Variants in BLTP3A observed in about 807,000 individuals in gnomAD.
BLTP3A encodes bridge-like lipid transfer protein family member 3A.
At chr6:34,844,497 ACTC>A in the BLTP3A span, among the ~76,000 whole-genome samples, 1 of 151,274 alleles carries the variant, frequency 6.6e-6, no homozygotes, top group Non-Finnish European at 1.5e-5. Flanking sequence ...CTGGTCTTGA[ACTC>A]CTGGTTTCAA....
the BLTP3A span, among the ~76,000 whole-genome samples, chr6:34,812,659 A>AG: frequency 6.6e-6 from 1 of 151,304 alleles, no homozygotes; most frequent in Non-Finnish European, 1.5e-5. Flanking sequence ...TCATAGAGAC[A>AG]GGGTCTCGCT....
chr6:34,799,827 A>G, the BLTP3A span, among the ~76,000 whole-genome samples: 1 of 152,228 alleles, frequency 6.6e-6, no homozygotes, highest in Admixed American at 6.5e-5. Context: ...AGTATTCCAT[A>G]AACAATAACC....
chr6:34,836,952 T>C, the BLTP3A span, among the ~76,000 whole-genome samples: 1 of 152,248 alleles, frequency 6.6e-6, no homozygotes, highest in African/African-American at 2.4e-5. Flanking sequence ...AATTTTCTGC[T>C]TAACCTGTTT....
chr6:34,844,124 G>T, the BLTP3A span, among the ~76,000 whole-genome samples: 1 of 152,008 alleles, frequency 6.6e-6, no homozygotes, highest in African/African-American at 2.4e-5. Context: ...GGGACTACAG[G>T]CGCCTGCCAC....
chr6:34,835,229 A>G, the BLTP3A span: 5 of 1,545,782 alleles, frequency 3.2e-6, no homozygotes, highest in South Asian at 1.2e-5. Context: ...TGATTGGGCA[A>G]CAGTCACTTT....
the BLTP3A span, among the ~76,000 whole-genome samples, chr6:34,799,654 C>G: frequency 6.6e-6 from 1 of 152,160 alleles, no homozygotes; most frequent in African/African-American, 2.4e-5. Flanking sequence ...GCTTTGGATT[C>G]CAAAAAGTGG....
chr6:34,836,697 A>G, the BLTP3A span, among the ~76,000 whole-genome samples: 1 of 152,192 alleles, frequency 6.6e-6, no homozygotes, highest in Non-Finnish European at 1.5e-5. Context: ...GATGCTTATC[A>G]GAGGTTGAAA....
the BLTP3A span, among the ~76,000 whole-genome samples, chr6:34,798,048 C>G: frequency 6.6e-6 from 1 of 152,206 alleles, no homozygotes; most frequent in Non-Finnish European, 1.5e-5. Flanking sequence ...AAGCTTCCCA[C>G]CCTGCCCTGT....
At chr6:34,854,936 C>A in the BLTP3A span, among the ~76,000 whole-genome samples, 1 of 152,108 alleles carries the variant, frequency 6.6e-6, no homozygotes, top group Non-Finnish European at 1.5e-5. Flanking sequence ...TTTTACAGTT[C>A]TTTAGTCTAA....
chr6:34,792,436 A>G, the BLTP3A span: 1 of 820,968 alleles, frequency 1.2e-6, no homozygotes, highest in Middle Eastern at 3.6e-4. Context: ...GCCTAACTCG[A>G]GCCCGGACAG....
the BLTP3A span, among the ~76,000 whole-genome samples, chr6:34,799,985 T>A: frequency 6.6e-6 from 1 of 152,138 alleles, no homozygotes; most frequent in Non-Finnish European, 1.5e-5. Flanking sequence ...TATTTGGAAA[T>A]CACATTTCTT....
the BLTP3A span, among the ~76,000 whole-genome samples, chr6:34,862,060 A>G: frequency 2.0e-5 from 3 of 152,218 alleles, no homozygotes; most frequent in Non-Finnish European, 4.4e-5. Context: ...AATATTTTAC[A>G]TATCTAAATC....
the BLTP3A span, among the ~76,000 whole-genome samples, chr6:34,805,735 CAAAAAA>C: frequency 1.5e-4 from 11 of 73,730 alleles, no homozygotes; most frequent in East Asian, 2.2e-3. Flanking sequence ...GACCCTATCT[CAAAAAA>C]AAAAAAAAAA....
chr6:34,792,991 C>T, the BLTP3A span, among the ~76,000 whole-genome samples: 2 of 152,154 alleles, frequency 1.3e-5, no homozygotes, highest in African/African-American at 2.4e-5. Context: ...CATTACATAG[C>T]CTAATTGGAG....
chr6:34,847,921 C>CTTTCTTTTTTTTTTTTTTTTTTTTT, the BLTP3A span, among the ~76,000 whole-genome samples: 20 of 91,150 alleles, frequency 2.2e-4, 4 homozygotes, highest in African/African-American at 4.7e-4. Context: ...TCTTTTTTTC[C>CTTTCTTTTTTTTTTTTTTTTTTTTT]TTTTTTTTTT....
chr6:34,838,905 T>A, the BLTP3A span, among the ~76,000 whole-genome samples: 1 of 152,312 alleles, frequency 6.6e-6, no homozygotes, highest in East Asian at 1.9e-4. Flanking sequence ...CACTCCAGCA[T>A]GGGTGACAGA....
At chr6:34,818,358 A>G in the BLTP3A span, among the ~76,000 whole-genome samples, 8 of 152,084 alleles carry the variant, frequency 5.3e-5, no homozygotes, top group South Asian at 1.7e-3. Context: ...AGTCCCAGCT[A>G]CTAGGGAGTT....
the BLTP3A span, chr6:34,871,203 T>C: frequency 2.1e-6 from 3 of 1,443,600 alleles, no homozygotes; most frequent in Non-Finnish European, 2.8e-6. Flanking sequence ...GTGACACCTG[T>C]TAACCTCTTC....
chr6:34,821,782 C>T, the BLTP3A span: 3 of 1,614,142 alleles, frequency 1.9e-6, no homozygotes, highest in East Asian at 6.7e-5. Flanking sequence ...GGTTAGCCAT[C>T]ACTCGGGTCT....
Sources: allele counts gnomAD v4.1 joint callset (sites outside exome capture counted in the v4.1 genomes callset), GRCh38; gene constraint gnomAD v4.1.1; transcripts MANE v1.5; gene names NCBI Gene and HGNC (gene_info 2026-07-23, HGNC 2026-07-21).